ADGRB3: variants seen among roughly 807,000 people sequenced by gnomAD.
ADGRB3 encodes adhesion G protein-coupled receptor B3, also known as brain-specific angiogenesis inhibitor 3.
Under a neutral mutation model 193.4 loss-of-function variants are expected in ADGRB3, and 37 were observed. The observed-to-expected ratio is 0.19, with a 90% CI of 0.15 to 0.25. The LOEUF (loss-of-function observed/expected upper bound fraction) is 0.25. ADGRB3 is among the 10% of genes least tolerant of loss of function. The pLI is 1.00. For missense variants in ADGRB3, 1,637 were observed against 1,852.9 expected (o/e 0.88, Z 2.14); for synonymous variants, 690 against 644.2 (o/e 1.07, Z -1.08).
At chr6:69,086,374 G>A (rs1484886844) in intron 17 of ADGRB3, among the ~76,000 whole-genome samples, 1 of 152,006 alleles carries the variant, frequency 6.6e-6, no homozygotes, top group African/African-American at 2.4e-5. Context: ...TAGTAGAACT[G>A]GGCATTGGCA....
rs1771788699 is a variant in ADGRB3 at position 69,062,877 on chromosome 6, G to A, written c.2334-57G>A. On this transcript the variant is annotated intron_variant, in intron 15 of 31. Transcript: ENST00000370598. ...CCATCCCAAAATGTATTGAGCAGTA[G>A]GAATTTATACTTTTCAGCACTCATT... 4 of 1,263,818 alleles carry A rather than the reference G, an allele frequency of 3.2e-6. No individual in the cohort carries two copies. The East Asian group carries it at 9.5e-5, about 30-fold the overall frequency. 78.3% of individuals were successfully genotyped at this position (1,263,818 alleles called of 1,614,324 possible).
At chr6:68,651,214 T>C (rs1768358232) in intron 3 of ADGRB3, among the ~76,000 whole-genome samples, 1 of 152,196 alleles carries the variant, frequency 6.6e-6, no homozygotes. Flanking sequence ...AAGGGCAAAC[T>C]GTATATTTTT....
intron 3 of ADGRB3, among the ~76,000 whole-genome samples, chr6:68,703,304 A>C (rs1048478550): frequency 1.3e-5 from 2 of 152,328 alleles, no homozygotes; most frequent in Non-Finnish European, 1.5e-5. Flanking sequence ...TTTGGTAAAA[A>C]TTGAAAAGCA....
intron 20 of ADGRB3, among the ~76,000 whole-genome samples, chr6:69,305,431 G>T (rs189224786): frequency 6.6e-6 from 1 of 151,592 alleles, no homozygotes; most frequent in East Asian, 1.9e-4. Context: ...GGAATCATGA[G>T]ATAATTTTTC....
At chr6:68,699,811 G>C (rs2127307864) in intron 3 of ADGRB3, among the ~76,000 whole-genome samples, 1 of 151,616 alleles carries the variant, frequency 6.6e-6, no homozygotes, top group East Asian at 2.0e-4. Flanking sequence ...CACCCAAGCA[G>C]TAGGTGGGGG....
chr6:69,387,866 G>C (rs1159982338), intron 31 of ADGRB3, among the ~76,000 whole-genome samples: 1 of 151,996 alleles, frequency 6.6e-6, no homozygotes, highest in Non-Finnish European at 1.5e-5. Flanking sequence ...AGCAGGGAAG[G>C]CTTACACTCG....
At chr6:68,933,761 T>C (rs1767411378) in intron 4 of ADGRB3, among the ~76,000 whole-genome samples, 2 of 152,214 alleles carry the variant, frequency 1.3e-5, no homozygotes, top group Admixed American at 6.5e-5. Flanking sequence ...ATAATATTCA[T>C]TTTATCGAAG....
At chr6:69,129,369 A>C (rs1773942324) in intron 17 of ADGRB3, among the ~76,000 whole-genome samples, 1 of 152,200 alleles carries the variant, frequency 6.6e-6, no homozygotes, top group Admixed American at 6.5e-5. Context: ...GAAAGACAGA[A>C]TAAGGAAGTT....
intron 8 of ADGRB3, among the ~76,000 whole-genome samples, chr6:68,974,311 G>T (rs1289269644): frequency 6.6e-6 from 1 of 152,026 alleles, no homozygotes; most frequent in Non-Finnish European, 1.5e-5. Context: ...AAATCTGATG[G>T]GTTTTTATGT....
intron 17 of ADGRB3, among the ~76,000 whole-genome samples, chr6:69,219,398 A>G (rs1765840134): frequency 6.7e-6 from 1 of 148,766 alleles, no homozygotes; most frequent in Non-Finnish European, 1.5e-5. Flanking sequence ...ACCATTCTTC[A>G]TAAAACCAAT....
At chr6:69,238,495 G>A (rs1229933962) in intron 19 of ADGRB3, among the ~76,000 whole-genome samples, 3 of 151,902 alleles carry the variant, frequency 2.0e-5, no homozygotes, top group African/African-American at 7.3e-5. Flanking sequence ...GCCTAATAGT[G>A]AATTATCATT....
At chr6:68,890,609 C>T (rs1405382100) in intron 3 of ADGRB3, among the ~76,000 whole-genome samples, 2 of 152,186 alleles carry the variant, frequency 1.3e-5, no homozygotes, top group East Asian at 3.9e-4. Flanking sequence ...AATTTGTGTA[C>T]ACTATTCTTG....
At chr6:68,797,141 A>G (rs1767224570) in intron 3 of ADGRB3, among the ~76,000 whole-genome samples, 1 of 152,124 alleles carries the variant, frequency 6.6e-6, no homozygotes, top group African/African-American at 2.4e-5. Context: ...CCCTGTATTC[A>G]TTCATTCTGC....
At chr6:69,187,050 C>T (rs1162696967) in intron 17 of ADGRB3, among the ~76,000 whole-genome samples, 1 of 150,782 alleles carries the variant, frequency 6.6e-6, no homozygotes, top group Admixed American at 6.6e-5. Context: ...TGAAATGTGA[C>T]AGTTTTCTTT....
At chr6:69,122,389 C>T (rs1224829617) in intron 17 of ADGRB3, among the ~76,000 whole-genome samples, 1 of 145,728 alleles carries the variant, frequency 6.9e-6, no homozygotes, top group Admixed American at 7.3e-5. Context: ...AGGGAGGCTG[C>T]AGCCAGCCAA....
In ADGRB3 at chr6:68,936,528, G is replaced by A. The variant is rs780568593; in HGVS notation, c.878G>A (p.Gly293Asp). Residue 293 changes from glycine (G) to aspartate (D), a missense_variant, in exon 5 of 32, where the codon GGT (glycine) becomes GAT (aspartate). By Grantham distance (94) the Gly-to-Asp change is moderately conservative (BLOSUM62 -1). Around this residue, in one of 7 missense-constraint regions of ADGRB3, gnomAD observed 365 missense variants for 409.8 expected, o/e 0.89. Coordinates refer to ENST00000370598, the MANE Select transcript of ADGRB3 (RefSeq NM_001704.3). Reference sequence around the variant, plus strand: ...GTTGTCTTGCACGCAGGTGAATCTGGTGTGGAAGAGTGGTCCCAGTGGAGC... The same window carrying A: ...GTTGTCTTGCACGCAGGTGAATCTGATGTGGAAGAGTGGTCCCAGTGGAGC... ...AKFMAQTGES[G>D]VEEWSQWSTC... The A allele has an allele frequency of 6.2e-7, 1 of 1,613,762 alleles. No homozygotes were observed. Among genetic ancestry groups the A allele is most frequent in the Non-Finnish European group, 8.5e-7 (1 of 1,179,910 alleles).
chr6:69,219,276 A>G (rs1765838493), intron 17 of ADGRB3, among the ~76,000 whole-genome samples: 1 of 151,678 alleles, frequency 6.6e-6, no homozygotes. Context: ...GTTGGCTACA[A>G]AAATTGGTTG....
chr6:69,254,020 C>G (rs1766689769), intron 20 of ADGRB3, among the ~76,000 whole-genome samples: 1 of 152,056 alleles, frequency 6.6e-6, no homozygotes, highest in Non-Finnish European at 1.5e-5. Flanking sequence ...TGGTGGCACA[C>G]TTTTTACATG....
chr6:68,979,097 T>C (rs1312679779), intron 10 of ADGRB3, among the ~76,000 whole-genome samples: 1 of 149,270 alleles, frequency 6.7e-6, no homozygotes. Flanking sequence ...ATCTGTCATG[T>C]TGGACATTTG....
Sources: gnomAD v4.1 joint callset for allele counts (sites outside exome capture counted in the v4.1 genomes callset) on GRCh38, gnomAD v4.1.1 for gene constraint, gnomAD v4.1.1 regional missense constraint, MANE v1.5 for transcripts, NCBI Gene and HGNC (gene_info 2026-07-23, HGNC 2026-07-21) for gene names.